Variants in ADAM18 observed in about 807,000 individuals in gnomAD.
ADAM18 encodes the protein ADAM metallopeptidase domain 18.
ADAM18 carries 117 observed loss-of-function variants against 94.4 expected under a neutral mutation model. The observed-to-expected ratio is 1.24, with a 90% CI of 1.07 to 1.45. The LOEUF (loss-of-function observed/expected upper bound fraction) is 1.45. Ranked by LOEUF, ADAM18 falls within the 40% of genes most tolerant of loss-of-function variation. ADAM18 has a pLI of 0.00. For synonymous variants in ADAM18, 327 were observed against 291.6 expected (o/e 1.12, Z -1.24); for missense variants, 936 against 880.0 (o/e 1.06, Z -0.81).
At chr8:39,704,277 T>C (rs1348361801) in intron 17 of ADAM18, among the ~76,000 whole-genome samples, 1 of 152,110 alleles carries the variant, frequency 6.6e-6, no homozygotes, top group Non-Finnish European at 1.5e-5. Flanking sequence ...TAGGCCTATA[T>C]CTTGCATGAA....
chr8:39,637,241 G>T (rs1355724070), intron 7 of ADAM18, 23 bp from the exon 8 acceptor site: 1 of 1,523,078 alleles, frequency 6.6e-7, no homozygotes, highest in Non-Finnish European at 8.9e-7. Flanking sequence ...ATACTTTCAT[G>T]AAAAATAAAA....
At chr8:39,618,164 G>A (rs555942681) in intron 6 of ADAM18, among the ~76,000 whole-genome samples, 10 of 152,228 alleles carry the variant, frequency 6.6e-5, no homozygotes, top group East Asian at 1.9e-4. Flanking sequence ...CCAGCAGCCC[G>A]CAATGCAACG....
chr8:39,614,711 G>A (rs939037986), intron 6 of ADAM18, among the ~76,000 whole-genome samples: 1 of 152,100 alleles, frequency 6.6e-6, no homozygotes, highest in Non-Finnish European at 1.5e-5. Flanking sequence ...TTTCTTCAAG[G>A]GACCCATTTC....
chr8:39,640,229 G>A (rs1460434762), intron 10 of ADAM18, among the ~76,000 whole-genome samples: 1 of 151,970 alleles, frequency 6.6e-6, no homozygotes, highest in Non-Finnish European at 1.5e-5. Flanking sequence ...TCCCCCATGT[G>A]TCCATGTGTT....
intron 2 of ADAM18, among the ~76,000 whole-genome samples, chr8:39,594,871 T>G (rs893545620): frequency 4.6e-5 from 7 of 151,150 alleles, no homozygotes; most frequent in Admixed American, 1.3e-4. Flanking sequence ...ATCAATAGGT[T>G]TATGATTTTG....
intron 2 of ADAM18, among the ~76,000 whole-genome samples, chr8:39,587,145 TATC>T (rs1273431027): frequency 6.6e-6 from 1 of 152,250 alleles, no homozygotes; most frequent in Non-Finnish European, 1.5e-5. Flanking sequence ...ACACCCATGA[TATC>T]ATGACCACAG....
Position 39,585,182 on chromosome 8 carries a change from C to T in ADAM18, c.56-94C>T, listed in dbSNP as rs977576979. On this transcript the variant is annotated intron_variant, in intron 1 of 19. Transcript: ENST00000265707. The stretch of plus-strand genomic sequence containing the variant: ...GAGAACTTCTACTTAAAATTTTAGG[C>T]GCCACCATGCAGTCCGGGATAAGAA... The T allele has an allele frequency of 6.0e-5, 53 of 887,282 alleles. No individual in the cohort carries two copies. The African/African-American group carries it at 8.4e-4, about 14-fold the overall frequency. 55.0% of individuals were successfully genotyped at this position (887,282 alleles called of 1,614,324 possible).
intron 6 of ADAM18, among the ~76,000 whole-genome samples, chr8:39,621,078 C>A (rs1819601189): frequency 6.6e-6 from 1 of 151,478 alleles, no homozygotes; most frequent in Non-Finnish European, 1.5e-5. Flanking sequence ...AACTCAAAAG[C>A]CAACATTTAA....
At chr8:39,726,492 C>T (rs902791268) in intron 19 of ADAM18, among the ~76,000 whole-genome samples, 1 of 152,040 alleles carries the variant, frequency 6.6e-6, no homozygotes, top group African/African-American at 2.4e-5. Context: ...TACTTTGTCT[C>T]ATTCTATAGG....
intron 2 of ADAM18, among the ~76,000 whole-genome samples, chr8:39,597,498 T>A (rs934708687): frequency 6.6e-6 from 1 of 152,232 alleles, no homozygotes; most frequent in African/African-American, 2.4e-5. Flanking sequence ...TACGTTTGGA[T>A]ATCCAGTTGT....
chr8:39,677,306 A>G (rs1416590737), intron 14 of ADAM18, 125 bp from the exon 15 acceptor site: 2 of 723,716 alleles, frequency 2.8e-6, no homozygotes, highest in African/African-American at 3.7e-5. Context: ...CAGGGTATGC[A>G]TAGAAACAAA....
At chr8:39,628,456 G>GATAA (rs1200084476) in intron 6 of ADAM18, among the ~76,000 whole-genome samples, 2 of 142,750 alleles carry the variant, frequency 1.4e-5, no homozygotes, top group African/African-American at 5.2e-5. Context: ...TAGATAGATA[G>GATAA]ATAAACAACA....
At chr8:39,630,836 T>C (rs1819912956) in intron 7 of ADAM18, among the ~76,000 whole-genome samples, 1 of 151,970 alleles carries the variant, frequency 6.6e-6, no homozygotes, top group African/African-American at 2.4e-5. Context: ...TAATTTCGTA[T>C]TCTATCAGCA....
intron 17 of ADAM18, among the ~76,000 whole-genome samples, chr8:39,698,234 TTACTCATA>T (rs1197301982): frequency 1.3e-5 from 2 of 152,054 alleles, no homozygotes; most frequent in Non-Finnish European, 1.5e-5. Flanking sequence ...TGTTCCTGAC[TTACTCATA>T]TTATTTTTCC....
rs796447267 is a variant in ADAM18 at position 39,599,786 on chromosome 8, A to G, written c.133-6521A>G. Among the ~76,000 whole-genome samples, 17 of 152,214 alleles carry G rather than the reference A, an allele frequency of 1.1e-4. 1 individual carries two copies. The highest frequency in any genetic ancestry group is 4.1e-4 in the African/African-American group (17 of 41,564). ...TGAGCTTCCATCCTTCATATTATTA[A>G]ATTCACGCATTAGTTCTAGCAACTT... On this transcript the variant is annotated intron_variant, in intron 2 of 19. Coordinates refer to ENST00000265707, the MANE Select transcript of ADAM18 (RefSeq NM_014237.3).
intron 17 of ADAM18, among the ~76,000 whole-genome samples, chr8:39,705,741 A>G (rs1244756462): frequency 6.6e-6 from 1 of 152,308 alleles, no homozygotes; most frequent in East Asian, 1.9e-4. Flanking sequence ...TCAATATACT[A>G]TATAAACAAT....
At chr8:39,692,085 T>C (rs1821798827) in intron 16 of ADAM18, among the ~76,000 whole-genome samples, 1 of 151,902 alleles carries the variant, frequency 6.6e-6, no homozygotes, top group Non-Finnish European at 1.5e-5. Flanking sequence ...ACCACCATAT[T>C]ACACATTTTG....
intron 6 of ADAM18, among the ~76,000 whole-genome samples, chr8:39,628,987 T>G (rs1819854837): frequency 6.6e-6 from 1 of 152,062 alleles, no homozygotes; most frequent in Non-Finnish European, 1.5e-5. Context: ...CTCAAATATT[T>G]CCTATATCTT....
chr8:39,662,368 A>C (rs1820864912), intron 12 of ADAM18, among the ~76,000 whole-genome samples: 1 of 152,140 alleles, frequency 6.6e-6, no homozygotes, highest in South Asian at 2.1e-4. Flanking sequence ...TCTGCTCTAT[A>C]TTTTATATAT....
Sources: allele counts gnomAD v4.1 joint callset (sites outside exome capture counted in the v4.1 genomes callset), GRCh38; gene constraint gnomAD v4.1.1; transcripts MANE v1.5; gene names NCBI Gene and HGNC (gene_info 2026-07-23, HGNC 2026-07-21).